The following USP15 variants were observed in gnomAD, a reference collection of about 807,000 sequenced individuals.
The protein encoded by USP15 is ubiquitin specific peptidase 15.
In USP15, 18 loss-of-function variants were observed where a neutral mutation model predicts 127.1. That is an observed-to-expected ratio of 0.14 (90% CI 0.10 to 0.21). The LOEUF is 0.21. Ranked by LOEUF, USP15 falls within the 10% of genes least tolerant of loss-of-function variation. USP15 has a pLI of 1.00. For missense variants in USP15, 805 were observed against 1,159.9 expected, an observed-to-expected ratio of 0.69 and a Z score of 4.44; for synonymous variants, 364 against 393.7, an observed-to-expected ratio of 0.92 and a Z score of 0.89.
chr12:62,277,663 G>A (rs1237562778), intron 1 of USP15: 2 of 151,130 alleles, frequency 1.3e-5, no homozygotes, highest in Non-Finnish European at 2.9e-5. Flanking sequence ...TATTGTCTTG[G>A]ACCACATGTA....
intron 7 of USP15, among the ~76,000 whole-genome samples, chr12:62,354,121 G>A (rs1565880852): frequency 6.7e-6 from 1 of 149,776 alleles, no homozygotes; most frequent in Non-Finnish European, 1.5e-5. Flanking sequence ...TCTGGGGGTG[G>A]TGTGTGTGTG....
chr12:62,297,106 C>A (rs546614631), intron 2 of USP15, among the ~76,000 whole-genome samples: 1 of 152,174 alleles, frequency 6.6e-6, no homozygotes, highest in Non-Finnish European at 1.5e-5. Flanking sequence ...ACTGCCCATG[C>A]CTTTCAGTGT....
intron 6 of USP15, among the ~76,000 whole-genome samples, chr12:62,348,179 G>A (rs1387612530): frequency 6.6e-6 from 1 of 152,138 alleles, no homozygotes; most frequent in Non-Finnish European, 1.5e-5. Context: ...CTGCCCCCCA[G>A]CCTGGGCAAC....
intron 2 of USP15, among the ~76,000 whole-genome samples, chr12:62,302,009 G>C (rs1316672087): frequency 6.6e-6 from 1 of 152,112 alleles, no homozygotes; most frequent in Non-Finnish European, 1.5e-5. Context: ...CTAGATCTGT[G>C]GCCTGTCTTA....
At chr12:62,286,065 A>G (rs1024318362) in intron 1 of USP15, among the ~76,000 whole-genome samples, 10 of 152,138 alleles carry the variant, frequency 6.6e-5, no homozygotes, top group Non-Finnish European at 1.0e-4. Context: ...TTGACCATTC[A>G]TATGTGTTAG....
chr12:62,327,795 A>G lies in USP15; in HGVS notation c.683+1862A>G, dbSNP rs115010346. 351 of 298,316 alleles carry G rather than the reference A, an allele frequency of 1.2e-3. 2 individuals carry two copies. The highest frequency in any genetic ancestry group is 7.6e-3 in the African/African-American group (330 of 43,622). The allele number at this position is 298,316 out of a possible 1,614,324, so 18.5% of individuals were successfully genotyped here. On this transcript the variant is annotated intron_variant, in intron 6 of 21. Transcript: ENST00000280377. Reference sequence around the variant, plus strand: ...GGTGAATACAGGTGCTGTACTAGAGATGACAAAAGTACAATTAAGAGTCCT... The same window carrying G: ...GGTGAATACAGGTGCTGTACTAGAGGTGACAAAAGTACAATTAAGAGTCCT...
In USP15 at chr12:62,302,836, T is replaced by C. The variant is rs1181308131; in HGVS notation, c.264T>C (p.Asp88=). Residue 88 remains aspartate (D), a synonymous_variant, in exon 3 of 22, where the codon GAT becomes GAC. Coordinates refer to ENST00000280377, the MANE Select transcript of USP15 (RefSeq NM_001252078.2). ...SLKEHLIDEL[D]YILLPTEGWN... ...AGGAACACCTTATTGATGAATTGGATTACATACTGTTGCCAACTGAAGGTT... is the reference window on the plus strand; with the variant it reads ...AGGAACACCTTATTGATGAATTGGACTACATACTGTTGCCAACTGAAGGTT... The C allele has an allele frequency of 6.2e-7, 1 of 1,612,936 alleles. No individual in the cohort carries two copies. Among genetic ancestry groups the C allele is most frequent in the South Asian group, 1.1e-5 (1 of 90,986 alleles).
chr12:62,273,454 A>G (rs1202763082), intron 1 of USP15, among the ~76,000 whole-genome samples: 1 of 152,078 alleles, frequency 6.6e-6, no homozygotes, highest in East Asian at 1.9e-4. Context: ...TCCCATTTCT[A>G]AGATGGACAG....
At chr12:62,286,806 G>A (rs567847895) in intron 1 of USP15, among the ~76,000 whole-genome samples, 107 of 152,008 alleles carry the variant, frequency 7.0e-4, no homozygotes, top group Non-Finnish European at 1.4e-3. Context: ...GCGAGGTGGC[G>A]CATGCCTGTA....
chr12:62,302,645 G>T, intron 2 of USP15, 145 bp from the exon 3 acceptor site: 1 of 660,642 alleles, frequency 1.5e-6, no homozygotes, highest in South Asian at 4.4e-5. Flanking sequence ...CCCAAAAATT[G>T]GACACCCCTG....
At chr12:62,313,681 A>T (rs2064747279) in intron 3 of USP15, among the ~76,000 whole-genome samples, 1 of 151,844 alleles carries the variant, frequency 6.6e-6, no homozygotes, top group Non-Finnish European at 1.5e-5. Flanking sequence ...GTAGTTTAAC[A>T]TATTGGTTTT....
At chr12:62,305,329 A>C (rs1230827083) in intron 3 of USP15, among the ~76,000 whole-genome samples, 1 of 152,174 alleles carries the variant, frequency 6.6e-6, no homozygotes. Context: ...TCTTCAAAAT[A>C]AGGATAAGAC....
chr12:62,396,698 A>G (rs2067501631), intron 20 of USP15, among the ~76,000 whole-genome samples: 1 of 151,948 alleles, frequency 6.6e-6, no homozygotes, highest in Admixed American at 6.6e-5. Flanking sequence ...TGATGCATAT[A>G]CTCTTGTAAA....
chr12:62,270,321 A>G (rs1246479276), intron 1 of USP15, among the ~76,000 whole-genome samples: 1 of 151,526 alleles, frequency 6.6e-6, no homozygotes, highest in African/African-American at 2.4e-5. Context: ...TTTTCTTTTT[A>G]CTTTCTTGGT....
intron 7 of USP15, among the ~76,000 whole-genome samples, chr12:62,351,785 A>G (rs1045563126): frequency 1.3e-4 from 20 of 152,042 alleles, no homozygotes; most frequent in Admixed American, 1.2e-3. Flanking sequence ...TCACTGAGGT[A>G]CCATGAAGCT....
At chr12:62,367,678 G>A (rs188610883) in intron 8 of USP15, among the ~76,000 whole-genome samples, 374 of 151,926 alleles carry the variant, frequency 2.5e-3, no homozygotes, top group Non-Finnish European at 4.2e-3. Context: ...TTTTTATTGC[G>A]TCTTTTTGAT....
rs200032153 is a variant in USP15, at chr12:62,289,738, T to C, written c.90-4441T>C. Among the ~76,000 whole-genome samples the C allele has an allele frequency of 1.9e-4, 28 of 151,248 alleles. No individual in the cohort carries two copies. The East Asian group carries it at 5.1e-3, about 27-fold the overall frequency. Reference sequence around the variant, plus strand: ...GTGTGTGTGTGTGTGTGTGTGTGTGTTTAGACAGCAGTATAAACTTTCCTC... The same window carrying C: ...GTGTGTGTGTGTGTGTGTGTGTGTGCTTAGACAGCAGTATAAACTTTCCTC... On this transcript the variant is annotated intron_variant, in intron 1 of 21. Transcript: ENST00000280377.
chr12:62,347,120 T>C (rs931446454), intron 6 of USP15, among the ~76,000 whole-genome samples: 3 of 152,168 alleles, frequency 2.0e-5, no homozygotes, highest in South Asian at 2.1e-4. Context: ...CCAGTACTTA[T>C]CAAGGGTGAG....
chr12:62,317,207 A>C (rs1293682053), intron 4 of USP15, among the ~76,000 whole-genome samples: 1 of 152,208 alleles, frequency 6.6e-6, no homozygotes, highest in East Asian at 1.9e-4. Context: ...AAGGTTTGCA[A>C]AAATTAGTCA....
Sources: gnomAD v4.1 joint callset for allele counts (sites outside exome capture counted in the v4.1 genomes callset) on GRCh38, gnomAD v4.1.1 for gene constraint, MANE v1.5 for transcripts, NCBI Gene and HGNC (gene_info 2026-07-23, HGNC 2026-07-21) for gene names.